CSNK1E: variants seen among roughly 807,000 people sequenced by gnomAD.
CSNK1E encodes the protein casein kinase 1 epsilon, also known as casein kinase I isoform epsilon.
Under a neutral mutation model 46.1 loss-of-function variants are expected in CSNK1E, and 17 were observed. That is an observed-to-expected ratio of 0.37 (90% CI 0.25 to 0.55). CSNK1E has a LOEUF of 0.55. CSNK1E is among the 20% of genes least tolerant of loss of function. CSNK1E has a pLI of 0.82. For synonymous variants in CSNK1E, 241 were observed against 242.6 expected, an observed-to-expected ratio of 0.99 and a Z score of 0.06; for missense variants, 386 against 595.4, an observed-to-expected ratio of 0.65 and a Z score of 3.66.
At chr22:38,307,228 T>C (rs1390123090) in intron 2 of CSNK1E, among the ~76,000 whole-genome samples, 1 of 152,072 alleles carries the variant, frequency 6.6e-6, no homozygotes, top group Non-Finnish European at 1.5e-5. Context: ...ACTATTTACA[T>C]AGCATTTACA....
At position 38,293,299 on chromosome 22, in the gene CSNK1E, A is replaced by C; in HGVS notation, c.1239T>G (p.His413Gln). ...PASQTSVPFD[H>Q]LGK is the part of the protein sequence containing the mutation. Reference sequence around the variant, plus strand: ...ATGGGGGCTCTCCTCACTTCCCGAGATGGTCAAATGGCACACTTGTCTTTT... The same window carrying C: ...ATGGGGGCTCTCCTCACTTCCCGAGCTGGTCAAATGGCACACTTGTCTTTT... The change falls in exon 10 of 11, where the codon CAT (histidine) becomes CAG (glutamine). Residue 413 changes from histidine to glutamine, a missense_variant. This residue lies in a region of CSNK1E where 174 missense variants were observed against 185.2 expected (regional missense o/e 0.94). Coordinates refer to ENST00000396832, the MANE Select transcript of CSNK1E (RefSeq NM_152221.3). 6.2e-7 allele frequency: 1 copy of C among 1,608,236 alleles called. No individual in the cohort carries two copies. Among genetic ancestry groups the C allele is most frequent in the Non-Finnish European group, 8.5e-7 (1 of 1,176,582 alleles).
chr22:38,311,809 T>C (rs921742987), intron 2 of CSNK1E, among the ~76,000 whole-genome samples: 23 of 103,500 alleles, frequency 2.2e-4, no homozygotes, highest in Admixed American at 1.6e-3. Flanking sequence ...TCTTTCCTTC[T>C]TTTTTTTTTT....
At chr22:38,305,652 A>G (rs556629310) in intron 2 of CSNK1E, among the ~76,000 whole-genome samples, 63 of 152,188 alleles carry the variant, frequency 4.1e-4, no homozygotes, top group Non-Finnish European at 8.5e-4. Flanking sequence ...GAAAGAAATC[A>G]TTAATAGAAA....
rs2092656748 is a variant in CSNK1E, at chr22:38,298,991, C to G, written c.737-57G>C. On this transcript the variant is annotated intron_variant, in intron 6 of 10. Transcript: ENST00000396832. This position sits in a 1 kb window ranked among gnomAD's most constrained non-coding sequence, Gnocchi z 4.2. ...ACTGTGAGGCCCACGCTCCCAGACC[C>G]CCTGCAGCCAGCACTGTCCTAGCCA... 1 of 1,602,146 alleles carries G rather than the reference C, an allele frequency of 6.2e-7. No individual in the cohort carries two copies. The highest frequency in any genetic ancestry group is 8.5e-7 in the Non-Finnish European group (1 of 1,170,302).
At chr22:38,314,054 G>A (rs952205823) in intron 2 of CSNK1E, 28 bp downstream of exon 2, 1 of 1,600,826 alleles carries the variant, frequency 6.2e-7, no homozygotes, top group African/African-American at 1.3e-5. Context: ...TGGCCCCAGG[G>A]GCTCCAGCTG....
chr22:38,308,053 C>A (rs1479603884), intron 2 of CSNK1E, among the ~76,000 whole-genome samples: 1 of 152,166 alleles, frequency 6.6e-6, no homozygotes, highest in Non-Finnish European at 1.5e-5. Flanking sequence ...AAGGTCCTAT[C>A]TCCTCGCTCC....
intron 4 of CSNK1E, 62 bp from the exon 5 acceptor site, chr22:38,301,014 C>A (rs2092669206): frequency 2.1e-6 from 3 of 1,435,668 alleles, no homozygotes; most frequent in African/African-American, 1.4e-5. Context: ...CTGGGCCAGG[C>A]AGGGGCTGGG....
In CSNK1E at chr22:38,298,960, A is replaced by C. The variant is rs757993545; in HGVS notation, c.737-26T>G. The C allele has an allele frequency of 1.2e-6, 2 of 1,613,582 alleles. No homozygotes were observed. The highest frequency in any genetic ancestry group is 1.7e-6 in the Non-Finnish European group (2 of 1,179,630). ...CTGGAGGGTGTTGCAGAGGATAGAGAAGGCCACTGTGAGGCCCACGCTCCC... is the reference window on the plus strand; with the variant it reads ...CTGGAGGGTGTTGCAGAGGATAGAGCAGGCCACTGTGAGGCCCACGCTCCC... On this transcript the variant is annotated intron_variant, in intron 6 of 10. Transcript: ENST00000396832. This position sits in a 1 kb window ranked among gnomAD's most constrained non-coding sequence, Gnocchi z 4.2.
At chr22:38,310,784 C>T (rs1047530395) in intron 2 of CSNK1E, among the ~76,000 whole-genome samples, 8 of 152,226 alleles carry the variant, frequency 5.3e-5, no homozygotes, top group African/African-American at 1.9e-4. Context: ...TGTGCTGGCC[C>T]TCGGGTGATC....
intron 9 of CSNK1E, 23 bp from the exon 10 acceptor site, chr22:38,293,342 G>C (rs1285776656): frequency 4.7e-6 from 7 of 1,489,428 alleles, no homozygotes; most frequent in South Asian, 1.1e-5. Flanking sequence ...GGGAGGGAGA[G>C]AGGGGGAGGG....
At position 38,314,163 on chromosome 22, in the gene CSNK1E, A is replaced by G; in HGVS notation, c.-6T>C. On this transcript the variant is annotated 5_prime_UTR_variant, in exon 2 of 11. Coordinates refer to ENST00000396832, the MANE Select transcript of CSNK1E (RefSeq NM_152221.3). ...TTCCCCACACGTAGCTCCATGGCTCACTCTTGCTGCAGAGGAAGCAGGAAC... is the reference window on the plus strand; with the variant it reads ...TTCCCCACACGTAGCTCCATGGCTCGCTCTTGCTGCAGAGGAAGCAGGAAC... The G allele has an allele frequency of 1.9e-6, 3 of 1,613,582 alleles. No individual in the cohort carries two copies. The highest frequency in any genetic ancestry group is 1.3e-5 in the African/African-American group (1 of 74,948).
rs567135154 is a variant in CSNK1E at position 38,293,443 on chromosome 22, C to T, written c.1219-124G>A. 1.9e-3 allele frequency: 1,199 copies of T among 641,414 alleles called. 9 individuals carry two copies. The highest frequency in any genetic ancestry group is 6.7e-3 in the South Asian group (367 of 54,932). 39.7% of individuals were successfully genotyped at this position (641,414 alleles called of 1,614,324 possible). ...CTCTCCCCACTGAGGAGGTGTACCCCCACCCCCACCTCCAGGCAGCCCCTC... is the reference window on the plus strand; with the variant it reads ...CTCTCCCCACTGAGGAGGTGTACCCTCACCCCCACCTCCAGGCAGCCCCTC... On this transcript the variant is annotated intron_variant, in intron 9 of 10. Coordinates refer to ENST00000396832, the MANE Select transcript of CSNK1E (RefSeq NM_152221.3).
chr22:38,299,878 C>A lies in CSNK1E; in HGVS notation c.736+17G>T. On this transcript the variant is annotated intron_variant, in intron 6 of 10. Coordinates refer to ENST00000396832, the MANE Select transcript of CSNK1E (RefSeq NM_152221.3). ...TCAGGGGCCCCCAGGCATGTCCCCT[C>A]CCACTGGGCTACTCACAGGGATAGC... 1 of 1,610,398 alleles carries A rather than the reference C, an allele frequency of 6.2e-7. No homozygotes were observed. The highest frequency in any genetic ancestry group is 1.1e-5 in the South Asian group (1 of 90,988).
rs748510236 is a variant in CSNK1E at position 38,294,121 on chromosome 22, G to A, written c.1206C>T (p.Ile402=). 2.5e-6 allele frequency: 4 copies of A among 1,609,958 alleles called. No homozygotes were observed. The Admixed American group carries it at 6.7e-5, about 27-fold the overall frequency. Reference sequence around the variant, plus strand: ...GGGGGCAGCTCACCTGTGAGGCTGGGATCCGGGAGACCTCTTGCCGCCCAG... The same window carrying A: ...GGGGGCAGCTCACCTGTGAGGCTGGAATCCGGGAGACCTCTTGCCGCCCAG... ...DLTGRQEVSR[I]PASQTSVPFD... is the part of the protein sequence containing the mutation. Residue 402 remains isoleucine, a synonymous_variant, in exon 9 of 11, where the codon ATC becomes ATT. Transcript: ENST00000396832. The surrounding 1 kb of genome is among the most constrained non-coding windows in gnomAD (Gnocchi z 5.5).
upstream of CSNK1E, chr22:38,317,523 A>C (rs1389360944): frequency 1.3e-5 from 2 of 152,632 alleles, no homozygotes; most frequent in East Asian, 3.9e-4. Context: ...GGAGGATTTA[A>C]AGGGCCCGCG....
Position 38,300,761 on chromosome 22 carries a change from C to A in CSNK1E, c.528G>T (p.Thr176=). ...PYRENKNLTG[T]ARYASINTHL... ...GCGTGTTGATGGAAGCGTAGCGGGC[C>A]GTGCCGGTCAGGTTCTTGTTTTCCC... Residue 176 remains threonine (T), a synonymous_variant, in exon 5 of 11, where the codon ACG becomes ACT. Coordinates refer to ENST00000396832, the MANE Select transcript of CSNK1E (RefSeq NM_152221.3). This position sits in a 1 kb window ranked among gnomAD's most constrained non-coding sequence, Gnocchi z 4.4. 6.2e-7 allele frequency: 1 copy of A among 1,614,204 alleles called. No individual in the cohort carries two copies. The highest frequency in any genetic ancestry group is 1.1e-5 in the South Asian group (1 of 91,086).
chr22:38,318,028 C>T (rs2092757287), upstream of CSNK1E: 1 of 152,240 alleles, frequency 6.6e-6, no homozygotes, highest in Non-Finnish European at 1.5e-5. Context: ...ACCTCTTCTT[C>T]TTTTCCCTGA....
intron 2 of CSNK1E, among the ~76,000 whole-genome samples, chr22:38,305,045 C>T (rs971168489): frequency 1.3e-5 from 2 of 150,698 alleles, no homozygotes; most frequent in African/African-American, 2.4e-5. Context: ...TCACTTGAAC[C>T]CAGGAGGCGG....
chr22:38,304,809 G>A (rs114241527), intron 2 of CSNK1E, among the ~76,000 whole-genome samples: 1,602 of 152,232 alleles, frequency 0.011, 28 homozygotes, highest in African/African-American at 0.038. Flanking sequence ...TACACGCTAC[G>A]ACACGAGTGC....
Sources: gnomAD v4.1 joint callset for allele counts (sites outside exome capture counted in the v4.1 genomes callset) on GRCh38, gnomAD v4.1.1 for gene constraint, gnomAD v4.1.1 regional missense constraint, Gnocchi (gnomAD v3.1) non-coding constraint, MANE v1.5 for transcripts, NCBI Gene and HGNC (gene_info 2026-07-23, HGNC 2026-07-21) for gene names.